Variants in ABTB3 observed in about 807,000 individuals in gnomAD.
ABTB3 encodes the protein ankyrin repeat- and BTB/POZ domain-containing protein 3.
At chr12:107,659,367 C>T in the ABTB3 span, 1 of 152,520 alleles carries the variant, frequency 6.6e-6, no homozygotes, top group East Asian at 1.9e-4. Context: ...CCAGCCCCTA[C>T]CATCCAATGT....
the ABTB3 span, among the ~76,000 whole-genome samples, chr12:107,324,505 T>G: frequency 0.54 from 82,547 of 151,988 alleles, 22,787 homozygotes; most frequent in East Asian, 0.72. Context: ...TAAAATTAAG[T>G]TAGCTTATTT....
chr12:107,433,619 G>A, the ABTB3 span, among the ~76,000 whole-genome samples: 5 of 152,168 alleles, frequency 3.3e-5, 1 homozygote, highest in South Asian at 4.1e-4. Context: ...AGCAGGGTAG[G>A]CCATTGTCTT....
the ABTB3 span, among the ~76,000 whole-genome samples, chr12:107,382,766 G>A: frequency 6.6e-6 from 1 of 152,096 alleles, no homozygotes; most frequent in Admixed American, 6.5e-5. Flanking sequence ...GTTGTGGGGT[G>A]GAGGGCTAGG....
At chr12:107,628,929 C>T in the ABTB3 span, among the ~76,000 whole-genome samples, 1 of 152,148 alleles carries the variant, frequency 6.6e-6, no homozygotes, top group South Asian at 2.1e-4. Flanking sequence ...ATGTTTTTAC[C>T]ACCACATAGA....
At chr12:107,600,134 T>A in the ABTB3 span, among the ~76,000 whole-genome samples, 29 of 152,248 alleles carry the variant, frequency 1.9e-4, no homozygotes, top group African/African-American at 7.0e-4. Flanking sequence ...AACAGGGACA[T>A]GAAAGCTTAC....
the ABTB3 span, among the ~76,000 whole-genome samples, chr12:107,349,602 T>C: frequency 6.6e-6 from 1 of 152,210 alleles, no homozygotes; most frequent in South Asian, 2.1e-4. Flanking sequence ...ATCTCTATTT[T>C]TAAGAGTTGT....
the ABTB3 span, among the ~76,000 whole-genome samples, chr12:107,642,451 G>A: frequency 1.3e-5 from 2 of 152,142 alleles, no homozygotes; most frequent in African/African-American, 4.8e-5. Flanking sequence ...TGGGGGGCGG[G>A]GACAGTGACT....
At chr12:107,535,101 G>T in the ABTB3 span, among the ~76,000 whole-genome samples, 3 of 152,148 alleles carry the variant, frequency 2.0e-5, no homozygotes, top group Non-Finnish European at 4.4e-5. Flanking sequence ...TCGTAATCTG[G>T]TTGGATTAAT....
At chr12:107,484,379 T>G in the ABTB3 span, among the ~76,000 whole-genome samples, 2 of 152,134 alleles carry the variant, frequency 1.3e-5, no homozygotes, top group Non-Finnish European at 2.9e-5. Context: ...GATGAGTAGG[T>G]GTAACTGCCC....
At chr12:107,468,205 A>G in the ABTB3 span, among the ~76,000 whole-genome samples, 2 of 152,146 alleles carry the variant, frequency 1.3e-5, no homozygotes, top group Admixed American at 6.5e-5. Flanking sequence ...ATCAAGCAAA[A>G]AAGGGGAAAA....
the ABTB3 span, among the ~76,000 whole-genome samples, chr12:107,491,455 C>T: frequency 6.6e-6 from 1 of 152,138 alleles, no homozygotes; most frequent in Non-Finnish European, 1.5e-5. Context: ...ACTGGGGCTG[C>T]AAAGGAAGGA....
At chr12:107,506,160 G>A in the ABTB3 span, among the ~76,000 whole-genome samples, 1 of 152,146 alleles carries the variant, frequency 6.6e-6, no homozygotes, top group Non-Finnish European at 1.5e-5. Context: ...TAGTGTATAT[G>A]CATTCTGCAA....
At chr12:107,627,566 T>C in the ABTB3 span, among the ~76,000 whole-genome samples, 1 of 152,178 alleles carries the variant, frequency 6.6e-6, no homozygotes. Context: ...GTTTCAGGGT[T>C]TTACCTGCAG....
chr12:107,505,662 T>C, the ABTB3 span, among the ~76,000 whole-genome samples: 3 of 152,156 alleles, frequency 2.0e-5, no homozygotes, highest in Admixed American at 1.3e-4. Flanking sequence ...ATTAGTTCTT[T>C]TTCCTGAGCC....
At chr12:107,458,114 A>G in the ABTB3 span, among the ~76,000 whole-genome samples, 2 of 152,234 alleles carry the variant, frequency 1.3e-5, no homozygotes, top group East Asian at 1.9e-4. Flanking sequence ...CATCCTCATC[A>G]TCATTGCTGA....
At chr12:107,399,851 C>T in the ABTB3 span, among the ~76,000 whole-genome samples, 612 of 152,138 alleles carry the variant, frequency 4.0e-3, 4 homozygotes, top group African/African-American at 0.014. Context: ...CCCGACAGCC[C>T]GACAGGCCCC....
chr12:107,524,726 A>G, the ABTB3 span, among the ~76,000 whole-genome samples: 2 of 152,220 alleles, frequency 1.3e-5, no homozygotes, highest in Non-Finnish European at 2.9e-5. Context: ...CAAGCTTCTC[A>G]AGGCAAAGCT....
chr12:107,510,915 CT>C, the ABTB3 span, among the ~76,000 whole-genome samples: 1 of 151,928 alleles, frequency 6.6e-6, no homozygotes, highest in Non-Finnish European at 1.5e-5. Context: ...GAGCCAAATA[CT>C]GTCTCCAAAA....
At chr12:107,482,987 T>C in the ABTB3 span, among the ~76,000 whole-genome samples, 1 of 14,730 alleles carries the variant, frequency 6.8e-5, no homozygotes, top group Non-Finnish European at 2.0e-4. Flanking sequence ...TTTCTTTCTT[T>C]CCTTCCTTCC....
Sources: gnomAD v4.1 joint callset for allele counts (sites outside exome capture counted in the v4.1 genomes callset) on GRCh38, gnomAD v4.1.1 for gene constraint, MANE v1.5 for transcripts, NCBI Gene and HGNC (gene_info 2026-07-23, HGNC 2026-07-21) for gene names.